KLHL24: variants seen among roughly 807,000 people sequenced by gnomAD.
KLHL24 encodes the protein kelch-like protein 24.
KLHL24 carries 29 observed loss-of-function variants against 53.4 expected under a neutral mutation model. The ratio of observed to expected loss-of-function variants is 0.54; its 90% CI spans 0.40 to 0.74. The LOEUF (loss-of-function observed/expected upper bound fraction) is 0.74. Among genes scored for constraint, KLHL24 ranks in the 30% least tolerant of loss-of-function variants. The pLI is 0.00. For missense variants in KLHL24, 504 were observed against 744.0 expected (o/e 0.68, Z 3.75); for synonymous variants, 222 against 253.7 (o/e 0.88, Z 1.19).
intron 1 of KLHL24, among the ~76,000 whole-genome samples, chr3:183,639,670 G>A (rs549407906): frequency 3.0e-4 from 45 of 148,012 alleles, no homozygotes; most frequent in Admixed American, 1.4e-3. Context: ...ATTTGTTCAG[G>A]TGGCAGAGCT....
intron 3 of KLHL24, among the ~76,000 whole-genome samples, chr3:183,660,581 A>G (rs1460868874): frequency 6.6e-6 from 1 of 152,128 alleles, no homozygotes; most frequent in African/African-American, 2.4e-5. Flanking sequence ...TTTGGTGGCT[A>G]CATATTTAAG....
chr3:183,674,344 T>C (rs1427656543), intron 7 of KLHL24, among the ~76,000 whole-genome samples: 1 of 150,674 alleles, frequency 6.6e-6, no homozygotes, highest in Non-Finnish European at 1.5e-5. Context: ...TTCTTTTCTT[T>C]CCTTCCTTCC....
intron 3 of KLHL24, among the ~76,000 whole-genome samples, chr3:183,660,861 C>T (rs1189440005): frequency 6.6e-6 from 1 of 151,390 alleles, no homozygotes; most frequent in African/African-American, 2.4e-5. Flanking sequence ...ATCGAAACCA[C>T]GTGTTAGGAG....
chr3:183,650,402 G>C lies in KLHL24; in HGVS notation c.46G>C (p.Val16Leu). 2.5e-6 allele frequency: 4 copies of C among 1,614,126 alleles called. No individual in the cohort carries two copies. Among genetic ancestry groups the C allele is most frequent in the Non-Finnish European group, 3.4e-6 (4 of 1,180,008 alleles). ...GRRLNREDLG[V>L]RDSPATKRKV... ...CAGACTAAACAGAGAGGATCTTGGG[G>C]TGCGTGATTCCCCAGCAACTAAGCG... Residue 16 changes from valine (V) to leucine (L), a missense_variant, in exon 3 of 8, where the codon GTG becomes CTG. Transcript: ENST00000242810. The surrounding 1 kb of genome is among the most constrained non-coding windows in gnomAD (Gnocchi z 4.5).
rs1721801496 is a variant in KLHL24, at chr3:183,674,278, TC to T, written c.1602+1795del. 4.0e-5 allele frequency among the ~76,000 whole-genome samples: 6 copies of T among 151,122 alleles called. No homozygotes were observed. In the South Asian group the frequency reaches 6.3e-4, roughly 16 times the overall value. ...TTCTTTCTTTCTTTCTTTCTTTCTT[TC>T]TTTCTTTCTTTCTTTCTTTCTTTCC... On this transcript the variant is annotated intron_variant, in intron 7 of 7. Transcript: ENST00000242810.
chr3:183,640,746 C>T (rs972258856), intron 1 of KLHL24, among the ~76,000 whole-genome samples: 4 of 151,808 alleles, frequency 2.6e-5, no homozygotes, highest in African/African-American at 9.7e-5. Context: ...ATTACAGGTG[C>T]CCGCCACCAC....
intron 5 of KLHL24, among the ~76,000 whole-genome samples, chr3:183,665,885 C>CTTTTT (rs10692613): frequency 0.29 from 41,969 of 142,396 alleles, 6,667 homozygotes; most frequent in African/African-American, 0.41. Context: ...GAGAATCAAA[C>CTTTTT]TTTTTTTTTT....
chr3:183,652,291 A>G (rs934457693), intron 3 of KLHL24, among the ~76,000 whole-genome samples: 32 of 152,332 alleles, frequency 2.1e-4, no homozygotes, highest in African/African-American at 7.5e-4. Flanking sequence ...TTCATAAACT[A>G]TAGAAAAATA....
rs75938619 is a variant in KLHL24, at chr3:183,655,991, A to G, written c.920+4715A>G. On this transcript the variant is annotated intron_variant, in intron 3 of 7. Coordinates refer to ENST00000242810, the MANE Select transcript of KLHL24 (RefSeq NM_017644.3). The stretch of plus-strand genomic sequence containing the variant: ...CATTCTGCAAAAATGCTGATATTAT[A>G]TAACTGCACTACATCCTCTGCCTTT... Among the ~76,000 whole-genome samples the G allele has an allele frequency of 7.8e-3, 1,165 of 150,066 alleles. 14 individuals carry two copies. Among genetic ancestry groups the G allele is most frequent in the African/African-American group, 0.028 (1,118 of 40,578 alleles).
intron 2 of KLHL24, among the ~76,000 whole-genome samples, chr3:183,647,741 C>A (rs748800326): frequency 8.5e-5 from 13 of 152,082 alleles, no homozygotes; most frequent in Admixed American, 2.0e-4. Context: ...CAGTGGCTCA[C>A]GCCTGTAATC....
intron 3 of KLHL24, among the ~76,000 whole-genome samples, chr3:183,662,217 G>A (rs1420973854): frequency 6.6e-6 from 1 of 152,066 alleles, no homozygotes; most frequent in Non-Finnish European, 1.5e-5. Flanking sequence ...TTTTATAACG[G>A]AAAAAGTATG....
chr3:183,660,146 T>C (rs1719515199), intron 3 of KLHL24, among the ~76,000 whole-genome samples: 1 of 151,164 alleles, frequency 6.6e-6, no homozygotes. Context: ...TTTTTTTTTT[T>C]TTTGAGACAA....
intron 3 of KLHL24, among the ~76,000 whole-genome samples, chr3:183,661,779 G>A (rs1719837605): frequency 6.6e-6 from 1 of 152,146 alleles, no homozygotes. Flanking sequence ...GTACAATAAG[G>A]AAAGGATAAA....
chr3:183,679,134 G>A lies in KLHL24; in HGVS notation c.1651G>A (p.Gly551Arg), dbSNP rs1712408918. The change falls in exon 8 of 8, where the codon GGA becomes AGA. Residue 551 changes from glycine to arginine, a missense_variant. By Grantham distance (125) the Gly-to-Arg change is moderately radical. Coordinates refer to ENST00000242810, the MANE Select transcript of KLHL24 (RefSeq NM_017644.3). ...TAATGGTAAAATATATATCCTGGGC[G>A]GAAGACGGGAAAATGGAGAAGCCAC... ...VCNGKIYILGGRRENGEATDT... is the reference protein window; with the variant it reads ...VCNGKIYILGRRRENGEATDT... 3.1e-6 allele frequency: 5 copies of A among 1,613,710 alleles called. No individual in the cohort carries two copies. The highest frequency in any genetic ancestry group is 1.1e-5 in the South Asian group (1 of 91,088).
At chr3:183,674,295 C>CTTTCTT (rs1223706224) in intron 7 of KLHL24, among the ~76,000 whole-genome samples, 1 of 147,614 alleles carries the variant, frequency 6.8e-6, no homozygotes, top group African/African-American at 2.5e-5. Flanking sequence ...TTCTTTCTTT[C>CTTTCTT]TTTCTTTCCT....
At chr3:183,638,478 A>G (rs1317011434) in intron 1 of KLHL24, among the ~76,000 whole-genome samples, 1 of 152,186 alleles carries the variant, frequency 6.6e-6, no homozygotes, top group Non-Finnish European at 1.5e-5. Flanking sequence ...CACTTTTTTC[A>G]ATAAATATTT....
At chr3:183,671,274 A>C (rs1721291949) in intron 6 of KLHL24, 52 bp downstream of exon 6, 1 of 1,522,402 alleles carries the variant, frequency 6.6e-7, no homozygotes, top group Non-Finnish European at 9.0e-7. Flanking sequence ...AAGAAGGGAA[A>C]TACAGAAGGC....
chr3:183,641,181 T>A (rs1716364875), intron 1 of KLHL24, among the ~76,000 whole-genome samples: 1 of 152,188 alleles, frequency 6.6e-6, no homozygotes. Context: ...TATATATGAT[T>A]TTCTGGTTAT....
Position 183,635,696 on chromosome 3 carries a change from T to A in KLHL24, c.-222T>A, listed in dbSNP as rs2108735796. The A allele has an allele frequency of 6.5e-6, 1 of 152,910 alleles. No individual in the cohort carries two copies. Among genetic ancestry groups the A allele is most frequent in the Admixed American group, 6.5e-5 (1 of 15,310 alleles). The allele number at this position is 152,910 out of a possible 1,614,324, so 9.5% of individuals were successfully genotyped here. A position where few individuals can be genotyped will look rare whatever the true frequency, so the allele number is the denominator to read the frequency against. ...GAGAGTGCGCTGCGCCGCCCGCCGC[T>A]GAGGGACCGCGGGGTTAGCCACTGC... On this transcript the variant is annotated 5_prime_UTR_variant, in exon 1 of 8. Coordinates refer to ENST00000242810, the MANE Select transcript of KLHL24 (RefSeq NM_017644.3).
Sources: allele counts gnomAD v4.1 joint callset (sites outside exome capture counted in the v4.1 genomes callset), GRCh38; gene constraint gnomAD v4.1.1; non-coding constraint Gnocchi (gnomAD v3.1); transcripts MANE v1.5; gene names NCBI Gene and HGNC (gene_info 2026-07-23, HGNC 2026-07-21).